SIK3: variants seen among roughly 807,000 people sequenced by gnomAD.
The protein encoded by SIK3 is SIK family kinase 3, also known as serine/threonine-protein kinase SIK3.
In SIK3, 28 loss-of-function variants were observed where a neutral mutation model predicts 144.2. That is an observed-to-expected ratio of 0.19 (90% CI 0.14 to 0.27). The LOEUF (loss-of-function observed/expected upper bound fraction) is 0.27. Ranked by LOEUF, SIK3 falls within the 10% of genes least tolerant of loss-of-function variation. SIK3 has a pLI of 1.00. For synonymous variants in SIK3, 686 were observed against 676.3 expected, an observed-to-expected ratio of 1.01 and a Z score of -0.22; for missense variants, 1,319 against 1,776.0, an observed-to-expected ratio of 0.74 and a Z score of 4.62.
chr11:116,971,085 A>C (rs921286109), intron 1 of SIK3, among the ~76,000 whole-genome samples: 2 of 152,226 alleles, frequency 1.3e-5, no homozygotes, highest in African/African-American at 4.8e-5. Context: ...CTAAAGCATA[A>C]CACCACTGTT....
At chr11:116,925,418 T>G (rs1243130863) in intron 4 of SIK3, among the ~76,000 whole-genome samples, 4 of 152,180 alleles carry the variant, frequency 2.6e-5, no homozygotes, top group Non-Finnish European at 5.9e-5. Flanking sequence ...AGGAAGGGGC[T>G]GAGCTAAAGA....
At chr11:117,011,534 C>T (rs182807663) in intron 1 of SIK3, among the ~76,000 whole-genome samples, 13 of 151,868 alleles carry the variant, frequency 8.6e-5, no homozygotes, top group Non-Finnish European at 1.8e-4. Context: ...TTTTTTTACC[C>T]CGAACCAGAA....
chr11:117,045,723 C>A (rs1196144224), intron 1 of SIK3, among the ~76,000 whole-genome samples: 2 of 152,182 alleles, frequency 1.3e-5, no homozygotes, highest in Non-Finnish European at 2.9e-5. Flanking sequence ...CTGTCCTAAT[C>A]ACACTTAGAT....
chr11:117,090,793 T>C (rs963169625), intron 1 of SIK3, among the ~76,000 whole-genome samples: 3 of 152,208 alleles, frequency 2.0e-5, no homozygotes, highest in Non-Finnish European at 2.9e-5. Context: ...TAAAAGTTAG[T>C]GGCAAAGGTG....
At chr11:117,029,065 C>T (rs1014100197) in intron 1 of SIK3, among the ~76,000 whole-genome samples, 4 of 152,066 alleles carry the variant, frequency 2.6e-5, no homozygotes, top group African/African-American at 7.2e-5. Flanking sequence ...CCCGCCACTA[C>T]GCCCGGCTAA....
intron 1 of SIK3, among the ~76,000 whole-genome samples, chr11:117,086,153 A>G (rs147865371): frequency 2.2e-4 from 33 of 152,284 alleles, no homozygotes; most frequent in African/African-American, 7.5e-4. Flanking sequence ...ATAACCCCAC[A>G]ACATACTAAG....
intron 4 of SIK3, among the ~76,000 whole-genome samples, chr11:116,921,744 T>A (rs1946991592): frequency 6.6e-6 from 1 of 152,228 alleles, no homozygotes; most frequent in South Asian, 2.1e-4. Context: ...TTAAAAATTC[T>A]ACAGAAGACA....
At chr11:117,098,069 C>A (rs1340545697) in intron 1 of SIK3, 74 bp downstream of exon 1, 6 of 1,211,186 alleles carry the variant, frequency 5.0e-6, no homozygotes, top group Non-Finnish European at 3.1e-6. Flanking sequence ...GCCGCCCCGA[C>A]CCCCCGGCTG....
chr11:116,995,559 C>T (rs910068458), intron 1 of SIK3, among the ~76,000 whole-genome samples: 4 of 152,078 alleles, frequency 2.6e-5, no homozygotes, highest in African/African-American at 9.7e-5. Context: ...CCGCCACACC[C>T]GGCTCACCCT....
intron 1 of SIK3, among the ~76,000 whole-genome samples, chr11:117,082,251 C>T (rs1292760085): frequency 6.6e-6 from 1 of 152,120 alleles, no homozygotes; most frequent in Admixed American, 6.6e-5. Flanking sequence ...CAAGGAGTCA[C>T]CACATGACCA....
In SIK3 at chr11:117,098,409, C is replaced by T; in HGVS notation, c.7G>A (p.Ala3Thr). The T allele has an allele frequency of 8.6e-7, 1 of 1,169,178 alleles. No individual in the cohort carries two copies. Among genetic ancestry groups the T allele is most frequent in the Non-Finnish European group, 1.1e-6 (1 of 948,030 alleles). 72.4% of individuals were successfully genotyped at this position (1,169,178 alleles called of 1,614,324 possible). The change falls in exon 1 of 25, where the codon GCG becomes ACG. Residue 3 changes from alanine to threonine, a missense_variant. Ala to Thr is a moderately conservative substitution (Grantham distance 58). This residue lies in a region of SIK3 where 114 missense variants were observed against 116.2 expected (regional missense o/e 0.98). Transcript: ENST00000445177. ...CCGCCAGCTCCGCTCGCCGCCGCCG[C>T]CGCCATCTTGTTGTGCAGTGAAACC... Reference protein sequence around the residue: MAAAAASGAGGAA... With the variant: MATAAASGAGGAA...
chr11:117,089,693 G>A (rs1209370646), intron 1 of SIK3, among the ~76,000 whole-genome samples: 1 of 152,134 alleles, frequency 6.6e-6, no homozygotes. Context: ...ATGCGCTGGA[G>A]CTGAAACTAG....
At chr11:116,850,581 C>A (rs1164242293) in intron 21 of SIK3, among the ~76,000 whole-genome samples, 1 of 152,220 alleles carries the variant, frequency 6.6e-6, no homozygotes, top group African/African-American at 2.4e-5. Flanking sequence ...ATCCTTGGTA[C>A]CATGTTCAAT....
chr11:116,998,874 TAGAA>T (rs1161535387), intron 1 of SIK3, among the ~76,000 whole-genome samples: 6 of 152,204 alleles, frequency 3.9e-5, no homozygotes, highest in Admixed American at 6.5e-5. Context: ...CATACAAATA[TAGAA>T]ACTTAGTCAA....
intron 21 of SIK3, among the ~76,000 whole-genome samples, chr11:116,852,594 T>C (rs1365481100): frequency 6.6e-6 from 1 of 152,232 alleles, no homozygotes; most frequent in African/African-American, 2.4e-5. Flanking sequence ...GAGTGCTTCA[T>C]AGAGGTTACT....
rs1346796245 is a variant in SIK3, at chr11:116,867,897, C to T, written c.1952+49G>A. 1 of 1,458,614 alleles carries T rather than the reference C, an allele frequency of 6.9e-7. No individual in the cohort carries two copies. Among genetic ancestry groups the T allele is most frequent in the Admixed American group, 2.7e-5 (1 of 37,324 alleles). 90.4% of individuals were successfully genotyped at this position (1,458,614 alleles called of 1,614,324 possible). A position where few individuals can be genotyped will look rare whatever the true frequency, so the allele number is the denominator to read the frequency against. Reference sequence around the variant, plus strand: ...CGCTGTGAGACTAATCAGAAGGGTGCCTGTCCGATGAGCCTCAAGGAGCTC... The same window carrying T: ...CGCTGTGAGACTAATCAGAAGGGTGTCTGTCCGATGAGCCTCAAGGAGCTC... On this transcript the variant is annotated intron_variant, in intron 15 of 24. Transcript: ENST00000445177. This position sits in a 1 kb window ranked among gnomAD's most constrained non-coding sequence, Gnocchi z 4.1.
intron 1 of SIK3, among the ~76,000 whole-genome samples, chr11:117,063,561 AGGCTTTAACTTCTTAATGAAGTTTCT>A (rs1166994979): frequency 6.6e-6 from 1 of 151,332 alleles, no homozygotes; most frequent in African/African-American, 2.4e-5. Flanking sequence ...GAGCATACCC[AGGCTTTAACTTCTTAATGAAGTTTCT>A]TTTTTTTTTT....
At chr11:116,930,883 A>C (rs1369997621) in intron 3 of SIK3, among the ~76,000 whole-genome samples, 1 of 151,156 alleles carries the variant, frequency 6.6e-6, no homozygotes, top group Non-Finnish European at 1.5e-5. Flanking sequence ...TTTAGTTGCC[A>C]TTATAGGTCT....
At chr11:117,056,562 T>TAGATAC in intron 1 of SIK3, among the ~76,000 whole-genome samples, 1 of 114,294 alleles carries the variant, frequency 8.7e-6, no homozygotes, top group Non-Finnish European at 1.7e-5. Flanking sequence ...GATATAGATA[T>TAGATAC]AGATATAGAT....
Sources: gnomAD v4.1 joint callset for allele counts (sites outside exome capture counted in the v4.1 genomes callset) on GRCh38, gnomAD v4.1.1 for gene constraint, gnomAD v4.1.1 regional missense constraint, Gnocchi (gnomAD v3.1) non-coding constraint, MANE v1.5 for transcripts, NCBI Gene and HGNC (gene_info 2026-07-23, HGNC 2026-07-21) for gene names.